CDH8: variants seen among roughly 807,000 people sequenced by gnomAD.
CDH8 encodes cadherin 8, also known as cadherin-8.
In CDH8, 17 loss-of-function variants were observed where a neutral mutation model predicts 68.1. The ratio of observed to expected loss-of-function variants is 0.25; its 90% CI spans 0.17 to 0.37. CDH8 has a LOEUF of 0.37. Among genes scored for constraint, CDH8 ranks in the 10% least tolerant of loss-of-function variants. CDH8 has a pLI of 1.00. For synonymous variants in CDH8, 372 were observed against 365.1 expected (o/e 1.02, Z -0.21); for missense variants, 763 against 999.3 (o/e 0.76, Z 3.19).
intron 9 of CDH8, among the ~76,000 whole-genome samples, chr16:61,716,994 T>C (rs941560072): frequency 6.6e-6 from 1 of 151,662 alleles, no homozygotes; most frequent in African/African-American, 2.4e-5. Context: ...TGTATTGACA[T>C]ACCGAGTAGA....
At chr16:61,804,289 T>C (rs1049283685) in intron 7 of CDH8, among the ~76,000 whole-genome samples, 35 of 151,924 alleles carry the variant, frequency 2.3e-4, no homozygotes, top group African/African-American at 8.2e-4. Context: ...AGACACAACA[T>C]ACCAGAATCT....
At chr16:61,809,982 C>T (rs991947545) in intron 7 of CDH8, among the ~76,000 whole-genome samples, 1 of 152,172 alleles carries the variant, frequency 6.6e-6, no homozygotes, top group Non-Finnish European at 1.5e-5. Context: ...GACTGTGTAT[C>T]TATTTTTCAA....
intron 3 of CDH8, among the ~76,000 whole-genome samples, chr16:61,894,479 G>A (rs1963837094): frequency 6.6e-6 from 1 of 152,062 alleles, no homozygotes; most frequent in African/African-American, 2.4e-5. Context: ...TTTGATGATT[G>A]TATTTTGTTG....
intron 2 of CDH8, among the ~76,000 whole-genome samples, chr16:61,989,992 A>G (rs893283284): frequency 6.6e-6 from 1 of 152,218 alleles, no homozygotes; most frequent in East Asian, 1.9e-4. Context: ...CCACAAATGG[A>G]CAAGAATAAG....
At chr16:61,741,429 T>C (rs1037871742) in intron 8 of CDH8, among the ~76,000 whole-genome samples, 6 of 152,188 alleles carry the variant, frequency 3.9e-5, no homozygotes, top group Admixed American at 2.0e-4. Context: ...TTAATTTTAG[T>C]GCTTTTTTCA....
chr16:61,829,658 T>C (rs906696502), intron 4 of CDH8, among the ~76,000 whole-genome samples: 4 of 151,856 alleles, frequency 2.6e-5, no homozygotes, highest in African/African-American at 9.7e-5. Flanking sequence ...AATCTTTGCA[T>C]CTCCTCTTTC....
chr16:61,692,260 A>T (rs937295615), intron 10 of CDH8: 1 of 151,942 alleles, frequency 6.6e-6, no homozygotes, highest in Non-Finnish European at 1.5e-5. Context: ...AGAGATTTTT[A>T]CCTCTGTCTG....
At chr16:61,969,707 C>T (rs1180871991) in intron 2 of CDH8, among the ~76,000 whole-genome samples, 1 of 152,192 alleles carries the variant, frequency 6.6e-6, no homozygotes, top group Non-Finnish European at 1.5e-5. Context: ...CATTCCTGAT[C>T]CCCTTACTAA....
chr16:61,859,711 T>G (rs971834568), intron 3 of CDH8, among the ~76,000 whole-genome samples: 4 of 152,214 alleles, frequency 2.6e-5, no homozygotes, highest in Admixed American at 2.6e-4. Flanking sequence ...GGTGTTAAAC[T>G]GAAGGTAAAC....
intron 10 of CDH8, among the ~76,000 whole-genome samples, chr16:61,674,870 G>A (rs1028447184): frequency 6.7e-6 from 1 of 150,318 alleles, no homozygotes; most frequent in Non-Finnish European, 1.5e-5. Context: ...AAGAACTGCA[G>A]AAGAAAAGAT....
chr16:62,020,844 G>A (rs1902056108), intron 2 of CDH8, among the ~76,000 whole-genome samples: 1 of 152,164 alleles, frequency 6.6e-6, no homozygotes, highest in African/African-American at 2.4e-5. Flanking sequence ...TAGAGAAAAG[G>A]TTTGGCATGA....
chr16:61,923,723 G>A (rs1157249139), intron 2 of CDH8, among the ~76,000 whole-genome samples: 1 of 140,012 alleles, frequency 7.1e-6, no homozygotes, highest in African/African-American at 2.6e-5. Context: ...GATGGCTAGA[G>A]GATATATATA....
intron 2 of CDH8, among the ~76,000 whole-genome samples, chr16:61,975,287 T>C (rs1019402739): frequency 1.3e-5 from 2 of 152,144 alleles, no homozygotes; most frequent in African/African-American, 4.8e-5. Flanking sequence ...AGCATCCTCC[T>C]GCCAAGAGAA....
At chr16:61,836,445 T>A in intron 4 of CDH8, among the ~76,000 whole-genome samples, 1 of 152,000 alleles carries the variant, frequency 6.6e-6, no homozygotes, top group East Asian at 1.9e-4. Context: ...TAGCCAATAA[T>A]AATTAGCTGA....
At chr16:61,791,781 T>A (rs968462786) in intron 7 of CDH8, among the ~76,000 whole-genome samples, 10 of 152,048 alleles carry the variant, frequency 6.6e-5, no homozygotes, top group African/African-American at 1.9e-4. Flanking sequence ...AAAAATGTTG[T>A]TGTTTGTGAA....
Position 61,953,925 on chromosome 16 carries a change from AT to A in CDH8, c.253-52453del, listed in dbSNP as rs1300683549. ...TATATATATATATATATATATATAT[AT>A]AAAATACCTTAATAACATGCTATCT... On this transcript the variant is annotated intron_variant, in intron 2 of 11. Transcript: ENST00000577390. Among the ~76,000 whole-genome samples the A allele has an allele frequency of 3.8e-3, 516 of 137,550 alleles. 7 individuals carry two copies. Among genetic ancestry groups the A allele is most frequent in the African/African-American group, 0.012 (443 of 36,154 alleles). 90.2% of individuals were successfully genotyped at this position (137,550 alleles called of 152,430 possible).
intron 2 of CDH8, among the ~76,000 whole-genome samples, chr16:61,967,192 T>A (rs1007842524): frequency 6.6e-6 from 1 of 152,018 alleles, no homozygotes; most frequent in African/African-American, 2.4e-5. Context: ...TAGAGTAAGA[T>A]CCTGTCCCTA....
intron 2 of CDH8, among the ~76,000 whole-genome samples, chr16:61,971,881 T>C (rs769351165): frequency 3.9e-5 from 6 of 152,144 alleles, no homozygotes; most frequent in Non-Finnish European, 8.8e-5. Flanking sequence ...TTTTACAATA[T>C]CATCAAAACA....
At chr16:61,739,884 C>CATATATCTATATATATATAT (rs1959811950) in intron 8 of CDH8, among the ~76,000 whole-genome samples, 1 of 101,476 alleles carries the variant, frequency 9.9e-6, no homozygotes, top group African/African-American at 3.9e-5. Flanking sequence ...CAACATATTC[C>CATATATCTATATATATATAT]ATATATATAT....
Sources: gnomAD v4.1 joint callset for allele counts (sites outside exome capture counted in the v4.1 genomes callset) on GRCh38, gnomAD v4.1.1 for gene constraint, MANE v1.5 for transcripts, NCBI Gene and HGNC (gene_info 2026-07-23, HGNC 2026-07-21) for gene names.